The following DUS2 variants were observed in gnomAD, a reference collection of about 807,000 sequenced individuals.
DUS2 encodes dihydrouridine synthase 2, also known as tRNA-dihydrouridine(20) synthase [NAD(P)+]-like.
DUS2 carries 52 observed loss-of-function variants against 71.3 expected under a neutral mutation model. That is an observed-to-expected ratio of 0.73 (90% CI 0.58 to 0.92). The LOEUF (loss-of-function observed/expected upper bound fraction) is 0.92, where lower values mean the gene tolerates loss of function less well. Ranked by LOEUF, DUS2 falls within the 40% of genes least tolerant of loss-of-function variation. The probability of loss-of-function intolerance (pLI) is 0.00; values close to 1 mark genes in which losing one functional copy is unlikely to be tolerated. For missense variants in DUS2, 558 were observed against 622.6 expected, an observed-to-expected ratio of 0.90 and a Z score of 1.10; for synonymous variants, 204 against 227.8, an observed-to-expected ratio of 0.90 and a Z score of 0.94.
intron 4 of DUS2, among the ~76,000 whole-genome samples, chr16:68,053,103 C>T (rs2033803158): frequency 6.6e-6 from 1 of 152,034 alleles, no homozygotes; most frequent in South Asian, 2.1e-4. Context: ...GCTAGGGTTA[C>T]AGGCATACCC....
intron 8 of DUS2, among the ~76,000 whole-genome samples, chr16:68,064,202 G>A (rs1204193618): frequency 6.6e-6 from 1 of 152,202 alleles, no homozygotes; most frequent in African/African-American, 2.4e-5. Flanking sequence ...GTAGGTAGAT[G>A]TGCTGTTCCT....
chr16:68,056,266 G>A (rs1349413582), intron 6 of DUS2, 98 bp from the exon 7 acceptor site: 2 of 1,031,786 alleles, frequency 1.9e-6, no homozygotes, highest in Non-Finnish European at 3.0e-6. Flanking sequence ...CAGGGACAGG[G>A]TAAGAGGTTC....
intron 10 of DUS2, 128 bp downstream of exon 10, chr16:68,066,764 G>T: frequency 1.1e-6 from 1 of 914,346 alleles, no homozygotes; most frequent in Non-Finnish European, 1.7e-6. Context: ...CCTCTGCCTA[G>T]CTCTTTGATA....
At chr16:68,048,430 G>A (rs536836795) in intron 3 of DUS2, among the ~76,000 whole-genome samples, 2 of 152,262 alleles carry the variant, frequency 1.3e-5, no homozygotes, top group South Asian at 2.1e-4. Context: ...CATCCCTTGG[G>A]ATGCCACACT....
Position 68,061,083 on chromosome 16 carries a change from C to A in DUS2, c.387C>A (p.Ala129=), listed in dbSNP as rs779956332. ...CTCCTTAGGGAGGAATGGGAGCTGC[C>A]CTGCTGTCAGACCCTGACAAGATTG... is the stretch of plus-strand genomic sequence containing the variant. ...QYSTKGGMGA[A]LLSDPDKIEK... The change falls in exon 8 of 17, where the codon GCC becomes GCA. Residue 129 remains alanine (A), a synonymous_variant. Coordinates refer to ENST00000565263, the MANE Select transcript of DUS2 (RefSeq NM_017803.5). 1 of 1,613,832 alleles carries A rather than the reference C, an allele frequency of 6.2e-7. No individual in the cohort carries two copies. Among genetic ancestry groups the A allele is most frequent in the East Asian group, 2.2e-5 (1 of 44,876 alleles).
At chr16:68,026,911 A>G (rs1268096533) in intron 2 of DUS2, 2 of 146,326 alleles carry the variant, frequency 1.4e-5, no homozygotes, top group South Asian at 2.1e-4. Context: ...AGCTATGGCC[A>G]TGTTACCCTT....
intron 2 of DUS2, among the ~76,000 whole-genome samples, chr16:68,030,125 A>G (rs1361677241): frequency 1.3e-5 from 2 of 151,962 alleles, no homozygotes; most frequent in Non-Finnish European, 2.9e-5. Flanking sequence ...TATACTCATT[A>G]TTTTTCCTGA....
At chr16:68,069,051 G>A (rs1251052040) in intron 10 of DUS2, among the ~76,000 whole-genome samples, 1 of 152,074 alleles carries the variant, frequency 6.6e-6, no homozygotes, top group Admixed American at 6.6e-5. Flanking sequence ...GGAGACAGAG[G>A]TAGAGGCTAG....
chr16:68,038,051 T>C lies in DUS2; in HGVS notation c.28T>C (p.Tyr10His), dbSNP rs2151413485. 1 of 1,614,066 alleles carries C rather than the reference T, an allele frequency of 6.2e-7. No individual in the cohort carries two copies. Among genetic ancestry groups the C allele is most frequent in the East Asian group, 2.2e-5 (1 of 44,876 alleles). Residue 10 changes from tyrosine (Y) to histidine (H), a missense_variant, in exon 3 of 17, where the codon TAC becomes CAC. Coordinates refer to ENST00000565263, the MANE Select transcript of DUS2 (RefSeq NM_017803.5). MILNSLSLC[Y>H]HNKLILAPMV... ...GATTTTGAATAGCCTCTCTCTGTGTTACCATAATAAGCTAATCCTGGCCCC... is the reference window on the plus strand; with the variant it reads ...GATTTTGAATAGCCTCTCTCTGTGTCACCATAATAAGCTAATCCTGGCCCC...
At chr16:68,049,360 TAGCACTACATGTCCCAAA>T in intron 3 of DUS2, 127 bp from the exon 4 acceptor site, 1 of 722,230 alleles carries the variant, frequency 1.4e-6, no homozygotes, top group East Asian at 2.6e-5. Flanking sequence ...GTGGGGAGAA[TAGCACTACATGTCCCAAA>T]AGCCGTGGTT....
At chr16:68,066,713 CCCCAA>C in intron 10 of DUS2, 77 bp downstream of exon 10, 8 of 1,428,774 alleles carry the variant, frequency 5.6e-6, no homozygotes, top group Non-Finnish European at 7.9e-6. Context: ...TGATCTGTCA[CCCCAA>C]GTGACAGCCA....
chr16:68,050,436 G>A (rs1002607818), intron 4 of DUS2, among the ~76,000 whole-genome samples: 64 of 152,068 alleles, frequency 4.2e-4, no homozygotes, highest in African/African-American at 1.5e-3. Flanking sequence ...ATGCCTGGCC[G>A]AACTATTTTA....
In DUS2 at chr16:68,078,989, A is replaced by AC; in HGVS notation, c.*4dup. ...AAAGCCCCCTGGAAGGCTGGTGACT[A>AC]CTCTTCCTGCCTTAGTCACCCCTCC... On this transcript the variant is annotated 3_prime_UTR_variant, in exon 17 of 17. Transcript: ENST00000565263. 1 of 1,551,650 alleles carries AC rather than the reference A, an allele frequency of 6.4e-7. No individual in the cohort carries two copies. The highest frequency in any genetic ancestry group is 1.2e-5 in the South Asian group (1 of 82,250).
At chr16:68,057,133 T>C (rs1315366269) in intron 7 of DUS2, among the ~76,000 whole-genome samples, 1 of 139,602 alleles carries the variant, frequency 7.2e-6, no homozygotes, top group Non-Finnish European at 1.5e-5. Context: ...TATAAATATA[T>C]AATAAATATA....
At chr16:68,028,287 C>T (rs2033385309) in intron 2 of DUS2, among the ~76,000 whole-genome samples, 2 of 152,066 alleles carry the variant, frequency 1.3e-5, no homozygotes, top group South Asian at 2.1e-4. Flanking sequence ...ATACCTCACA[C>T]GCTGCCTTGA....
At chr16:68,023,716 C>T (rs1316416282) in intron 1 of DUS2, 1 of 168,118 alleles carries the variant, frequency 5.9e-6, no homozygotes, top group East Asian at 1.9e-4. Context: ...CCCTCACCCT[C>T]TCTGTCTGTG....
chr16:68,038,391 G>A (rs993577192), intron 3 of DUS2, among the ~76,000 whole-genome samples: 2 of 152,060 alleles, frequency 1.3e-5, no homozygotes, highest in Non-Finnish European at 2.9e-5. Flanking sequence ...TAGATAAGTC[G>A]CCTGACATGT....
intron 2 of DUS2, among the ~76,000 whole-genome samples, chr16:68,028,261 T>G (rs1418426300): frequency 6.6e-6 from 1 of 152,098 alleles, no homozygotes; most frequent in East Asian, 1.9e-4. Context: ...AAGAGCTTAG[T>G]GCTTTCCGTG....
rs1403962525 is a variant in DUS2 at position 68,070,181 on chromosome 16, A to G, written c.602A>G (p.Lys201Arg). The G allele has an allele frequency of 1.2e-6, 2 of 1,614,026 alleles. No homozygotes were observed. The highest frequency in any genetic ancestry group is 1.3e-5 in the African/African-American group (1 of 74,920). Residue 201 changes from lysine to arginine, a missense_variant, in exon 11 of 17, where the codon AAA (lysine) becomes AGA (arginine). By Grantham distance (26) the Lys-to-Arg change is conservative. Transcript: ENST00000565263. ...PQHPVSCEVI[K>R]AIADTLSIPV... Reference sequence around the variant, plus strand: ...CATCCTGTCAGCTGTGAAGTCATCAAAGCCATTGCTGATACCCTCTCCATT... The same window carrying G: ...CATCCTGTCAGCTGTGAAGTCATCAGAGCCATTGCTGATACCCTCTCCATT...
Sources: gnomAD v4.1 joint callset for allele counts (sites outside exome capture counted in the v4.1 genomes callset) on GRCh38, gnomAD v4.1.1 for gene constraint, MANE v1.5 for transcripts, NCBI Gene and HGNC (gene_info 2026-07-23, HGNC 2026-07-21) for gene names.